Variants in CFAP96 observed in about 807,000 individuals in gnomAD.
CFAP96 encodes the protein cilia and flagella associated protein 96, also known as cilia-and flagella-associated protein 96.
the CFAP96 span, among the ~76,000 whole-genome samples, chr4:185,433,668 G>A: frequency 1.4e-4 from 21 of 152,248 alleles, no homozygotes; most frequent in East Asian, 7.7e-4. Context: ...TTGGGAGGCC[G>A]AGGCGGGCGG....
At chr4:185,445,493 TGA>T in the CFAP96 span, 1 of 1,566,940 alleles carries the variant, frequency 6.4e-7, no homozygotes, top group Non-Finnish European at 8.8e-7. Context: ...TTAGCAATCT[TGA>T]GGAATCCTAA....
At chr4:185,440,975 G>T in the CFAP96 span, among the ~76,000 whole-genome samples, 7 of 149,666 alleles carry the variant, frequency 4.7e-5, no homozygotes, top group South Asian at 8.4e-4. Context: ...TTTTGAGATG[G>T]AGTCTCACTC....
the CFAP96 span, among the ~76,000 whole-genome samples, chr4:185,428,568 A>AT: frequency 2.4e-4 from 7 of 28,626 alleles, no homozygotes; most frequent in Non-Finnish European, 4.9e-4. Context: ...AAAAAAAAAA[A>AT]AACAACAACA....
chr4:185,422,831 A>G, the CFAP96 span, among the ~76,000 whole-genome samples: 13 of 152,190 alleles, frequency 8.5e-5, no homozygotes, highest in Non-Finnish European at 1.6e-4. Context: ...AGAGATTCTG[A>G]TTAACTGGTC....
the CFAP96 span, among the ~76,000 whole-genome samples, chr4:185,424,621 G>T: frequency 1.3e-5 from 2 of 152,072 alleles, no homozygotes; most frequent in South Asian, 4.2e-4. Flanking sequence ...AAAATAAATG[G>T]AAACCACTTA....
chr4:185,425,825 G>A, the CFAP96 span: 14 of 1,596,264 alleles, frequency 8.8e-6, no homozygotes, highest in African/African-American at 1.6e-4. Flanking sequence ...GCCAAAGTCC[G>A]GGGAAAAACA....
the CFAP96 span, chr4:185,422,546 C>T: frequency 4.4e-6 from 7 of 1,608,584 alleles, no homozygotes; most frequent in Non-Finnish European, 5.9e-6. Flanking sequence ...AGAGTATATC[C>T]ATACTTTCTG....
the CFAP96 span, among the ~76,000 whole-genome samples, chr4:185,430,401 T>C: frequency 6.6e-6 from 1 of 152,152 alleles, no homozygotes; most frequent in East Asian, 1.9e-4. Context: ...GCATGAACAA[T>C]GTGATTCTTC....
At chr4:185,428,974 A>G in the CFAP96 span, among the ~76,000 whole-genome samples, 11 of 152,356 alleles carry the variant, frequency 7.2e-5, no homozygotes, top group East Asian at 2.1e-3. Context: ...GCCTTATATA[A>G]TTATGATTTT....
chr4:185,412,752 A>G, the CFAP96 span, among the ~76,000 whole-genome samples: 1 of 152,184 alleles, frequency 6.6e-6, no homozygotes, highest in Non-Finnish European at 1.5e-5. Flanking sequence ...AATGCCACCA[A>G]GGTATCCACG....
chr4:185,436,074 A>G, the CFAP96 span: 1 of 1,550,102 alleles, frequency 6.5e-7, no homozygotes, highest in African/African-American at 1.4e-5. Flanking sequence ...CTATGGAACA[A>G]TAGGTGGTCC....
chr4:185,415,609 A>G, the CFAP96 span: 2 of 1,099,108 alleles, frequency 1.8e-6, no homozygotes, highest in Non-Finnish European at 2.6e-6. Flanking sequence ...ATAATAAACA[A>G]GGAGAAAATC....
the CFAP96 span, among the ~76,000 whole-genome samples, chr4:185,421,400 G>A: frequency 6.6e-6 from 1 of 152,182 alleles, no homozygotes; most frequent in African/African-American, 2.4e-5. Context: ...GGCCTGGTGG[G>A]AGGTGTTTGA....
the CFAP96 span, chr4:185,415,959 A>G: frequency 8.8e-7 from 1 of 1,134,124 alleles, no homozygotes; most frequent in Non-Finnish European, 1.2e-6. Flanking sequence ...TGTATTTATT[A>G]TTAAGAAAAA....
chr4:185,430,375 C>T, the CFAP96 span, among the ~76,000 whole-genome samples: 1 of 152,028 alleles, frequency 6.6e-6, no homozygotes, highest in East Asian at 1.9e-4. Context: ...GCAGAATAGT[C>T]TATATAGTGT....
At chr4:185,432,329 G>A in the CFAP96 span, 2 of 694,380 alleles carry the variant, frequency 2.9e-6, no homozygotes, top group South Asian at 4.0e-5. Context: ...GTTTGTCTTA[G>A]GTGGAGATAG....
At chr4:185,440,553 A>T in the CFAP96 span, 2 of 1,515,234 alleles carry the variant, frequency 1.3e-6, no homozygotes, top group Non-Finnish European at 1.8e-6. Flanking sequence ...GCGAATGAAG[A>T]GCACCATCGT....
At chr4:185,410,376 A>G in the CFAP96 span, among the ~76,000 whole-genome samples, 1 of 152,204 alleles carries the variant, frequency 6.6e-6, no homozygotes, top group African/African-American at 2.4e-5. Flanking sequence ...CTGTCCAGGC[A>G]CGGTGGCTCA....
the CFAP96 span, chr4:185,449,660 T>C: frequency 1.3e-6 from 2 of 1,511,720 alleles, no homozygotes; most frequent in South Asian, 2.5e-5. Context: ...GGAAGACAAG[T>C]AGCTTTCTAG....
Sources: allele counts gnomAD v4.1 joint callset (sites outside exome capture counted in the v4.1 genomes callset), GRCh38; gene constraint gnomAD v4.1.1; transcripts MANE v1.5; gene names NCBI Gene and HGNC (gene_info 2026-07-23, HGNC 2026-07-21).